The following SEMA6D variants were observed in gnomAD, a reference collection of about 807,000 sequenced individuals.
SEMA6D encodes semaphorin-6D.
SEMA6D carries 35 observed loss-of-function variants against 106.6 expected under a neutral mutation model. The ratio of observed to expected loss-of-function variants is 0.33; its 90% CI spans 0.25 to 0.44. The LOEUF (loss-of-function observed/expected upper bound fraction) is 0.44, where lower values mean the gene tolerates loss of function less well. SEMA6D is among the 20% of genes least tolerant of loss of function. The pLI, the probability that SEMA6D is intolerant of heterozygous loss-of-function variation, is 1.00. For missense variants in SEMA6D, 1,185 were observed against 1,345.9 expected (o/e 0.88, Z 1.87); for synonymous variants, 499 against 487.7 (o/e 1.02, Z -0.31).
At chr15:47,625,052 T>G (rs1477165725) in intron 4 of SEMA6D, among the ~76,000 whole-genome samples, 1 of 152,078 alleles carries the variant, frequency 6.6e-6, no homozygotes, top group African/African-American at 2.4e-5. Flanking sequence ...AGGTTAACCA[T>G]GATTATCACC....
chr15:47,639,199 G>C (rs1230688466), intron 4 of SEMA6D, among the ~76,000 whole-genome samples: 1 of 152,162 alleles, frequency 6.6e-6, no homozygotes, highest in Non-Finnish European at 1.5e-5. Context: ...TACAGCATGA[G>C]CCTGGTGCAT....
chr15:47,230,664 T>C (rs546978460), intron 1 of SEMA6D, among the ~76,000 whole-genome samples: 1 of 152,140 alleles, frequency 6.6e-6, no homozygotes, highest in African/African-American at 2.4e-5. Context: ...CATCAGTCCC[T>C]TGGCCAGCAA....
Position 47,318,024 on chromosome 15 carries a change from C to CTTTTT in SEMA6D, c.-238-94356_-238-94352dup, listed in dbSNP as rs71425594. The stretch of plus-strand genomic sequence containing the variant: ...CTCTTATTACATTTGTCCCACAGTT[C>CTTTTT]TTTTTTTTTTTTTTTTTAGAAATTA... On this transcript the variant is annotated intron_variant, in intron 1 of 19. Coordinates refer to the SEMA6D transcript ENST00000558014. 2.2e-3 allele frequency among the ~76,000 whole-genome samples: 252 copies of CTTTTT among 116,898 alleles called. 4 individuals are homozygous for CTTTTT. Among genetic ancestry groups the CTTTTT allele is most frequent in the South Asian group, 0.017 (58 of 3,470 alleles). 76.7% of individuals were successfully genotyped at this position (116,898 alleles called of 152,430 possible). A position where few individuals can be genotyped will look rare whatever the true frequency, so the allele number is the denominator to read the frequency against.
At chr15:47,506,153 C>A (rs548802174) in intron 3 of SEMA6D, among the ~76,000 whole-genome samples, 1 of 152,232 alleles carries the variant, frequency 6.6e-6, no homozygotes, top group South Asian at 2.1e-4. Context: ...TATAACCCTT[C>A]GCTGCTACAA....
intron 3 of SEMA6D, among the ~76,000 whole-genome samples, chr15:47,498,022 A>G (rs1020046309): frequency 3.4e-4 from 52 of 152,248 alleles, no homozygotes; most frequent in South Asian, 2.1e-4. Flanking sequence ...TGGTCAGACT[A>G]TTCTCTTAAA....
intron 1 of SEMA6D, among the ~76,000 whole-genome samples, chr15:47,373,782 T>C (rs1471024663): frequency 6.6e-6 from 1 of 152,216 alleles, no homozygotes; most frequent in East Asian, 1.9e-4. Flanking sequence ...TTGTTGTTGT[T>C]TTCTAATTGT....
intron 1 of SEMA6D, among the ~76,000 whole-genome samples, chr15:47,206,654 A>G (rs1025948778): frequency 6.6e-6 from 1 of 152,034 alleles, no homozygotes; most frequent in African/African-American, 2.4e-5. Context: ...TTACGCAGAC[A>G]TAATAAATGC....
At chr15:47,240,724 G>A (rs866684284) in intron 1 of SEMA6D, among the ~76,000 whole-genome samples, 2 of 152,046 alleles carry the variant, frequency 1.3e-5, no homozygotes, top group Non-Finnish European at 2.9e-5. Flanking sequence ...GCAGAAAAGG[G>A]CAAATATTTG....
At chr15:47,249,118 C>T (rs1397940253) in intron 1 of SEMA6D, among the ~76,000 whole-genome samples, 2 of 152,244 alleles carry the variant, frequency 1.3e-5, no homozygotes, top group African/African-American at 2.4e-5. Context: ...ATCCCAGCTA[C>T]TCGGGTGGCT....
At chr15:47,304,096 A>G (rs1295667017) in intron 1 of SEMA6D, among the ~76,000 whole-genome samples, 1 of 152,008 alleles carries the variant, frequency 6.6e-6, no homozygotes, top group Non-Finnish European at 1.5e-5. Context: ...TTATGCATAC[A>G]TTTTTTCTCC....
intron 2 of SEMA6D, among the ~76,000 whole-genome samples, chr15:47,443,599 T>A (rs1471967713): frequency 6.6e-6 from 1 of 152,132 alleles, no homozygotes; most frequent in African/African-American, 2.4e-5. Context: ...CTTAAATCTC[T>A]AATTCTTACA....
rs559968625 is a variant in SEMA6D at position 47,685,194 on chromosome 15, A to T, written c.-54-74551A>T. On this transcript the variant is annotated intron_variant, in intron 4 of 19. Coordinates refer to the SEMA6D transcript ENST00000558014. ...CCATTGTGAGCATTAAGTATCTTTG[A>T]AGAGTCATATTTTATCCTAAAATTC... Among the ~76,000 whole-genome samples, 7 of 152,328 alleles carry T rather than the reference A, an allele frequency of 4.6e-5. No individual in the cohort carries two copies. In the South Asian group the frequency reaches 1.5e-3, roughly 32 times the overall value.
intron 1 of SEMA6D, among the ~76,000 whole-genome samples, chr15:47,354,956 TGTA>T (rs1212339594): frequency 1.3e-5 from 2 of 152,308 alleles, no homozygotes; most frequent in East Asian, 3.9e-4. Context: ...AGATGTGTTA[TGTA>T]GTATTTGAAA....
At chr15:47,708,786 G>A (rs2078961465) in intron 4 of SEMA6D, among the ~76,000 whole-genome samples, 1 of 152,202 alleles carries the variant, frequency 6.6e-6, no homozygotes, top group African/African-American at 2.4e-5. Context: ...AGAATAGGGA[G>A]ACAGTGTGAT....
intron 4 of SEMA6D, among the ~76,000 whole-genome samples, chr15:47,708,541 G>C (rs1003478171): frequency 1.3e-5 from 2 of 152,076 alleles, no homozygotes; most frequent in African/African-American, 4.8e-5. Context: ...ACAGTATTCT[G>C]CTACATGTGA....
intron 1 of SEMA6D, among the ~76,000 whole-genome samples, chr15:47,265,758 G>A (rs1281894749): frequency 1.3e-5 from 2 of 151,938 alleles, no homozygotes; most frequent in African/African-American, 2.4e-5. Flanking sequence ...TTCCCCCACT[G>A]TGGGGATTGC....
intron 1 of SEMA6D, among the ~76,000 whole-genome samples, chr15:47,395,353 A>G (rs78099900): frequency 0.011 from 1,706 of 152,320 alleles, 35 homozygotes; most frequent in African/African-American, 0.039. Context: ...CTTTGTCAAT[A>G]GAGAAATCAA....
At chr15:47,687,964 G>T (rs572925313) in intron 4 of SEMA6D, among the ~76,000 whole-genome samples, 1 of 152,276 alleles carries the variant, frequency 6.6e-6, no homozygotes, top group African/African-American at 2.4e-5. Flanking sequence ...TCATGTTCCT[G>T]TGCGCTATCC....
At chr15:47,723,483 A>G (rs2079545285) in intron 1 of SEMA6D, among the ~76,000 whole-genome samples, 2 of 151,850 alleles carry the variant, frequency 1.3e-5, no homozygotes, top group Admixed American at 1.3e-4. Context: ...TCCCGGGGGG[A>G]ATTTATGGGC....
Sources: allele counts gnomAD v4.1 joint callset (sites outside exome capture counted in the v4.1 genomes callset), GRCh38; gene constraint gnomAD v4.1.1; transcripts MANE v1.5; gene names NCBI Gene and HGNC (gene_info 2026-07-23, HGNC 2026-07-21).